The following MYT1L variants were observed in gnomAD, a reference collection of about 807,000 sequenced individuals.
MYT1L encodes the protein myelin transcription factor 1-like protein.
MYT1L carries 12 observed loss-of-function variants against 126.7 expected under a neutral mutation model. That is an observed-to-expected ratio of 0.09 (90% CI 0.06 to 0.15). The LOEUF (loss-of-function observed/expected upper bound fraction) is 0.15. Among genes scored for constraint, MYT1L ranks in the 10% least tolerant of loss-of-function variants. MYT1L has a pLI of 1.00. For missense variants in MYT1L, 979 were observed against 1,585.2 expected (o/e 0.62, Z 6.49); for synonymous variants, 541 against 604.2 (o/e 0.90, Z 1.53).
chr2:2,312,334 A>G (rs2095986235), intron 1 of MYT1L, among the ~76,000 whole-genome samples: 1 of 152,058 alleles, frequency 6.6e-6, no homozygotes, highest in Admixed American at 6.6e-5. Flanking sequence ...TCTATGGCCC[A>G]GGGTAGTGGC....
chr2:1,793,769 G>C lies in MYT1L; in HGVS notation c.3277-1305C>G, dbSNP rs533714355. 6.6e-6 allele frequency among the ~76,000 whole-genome samples: 1 copy of C among 152,148 alleles called. No individual in the cohort carries two copies. Among genetic ancestry groups the C allele is most frequent in the South Asian group, 2.1e-4 (1 of 4,824 alleles). On this transcript the variant is annotated intron_variant, in intron 23 of 24. Transcript: ENST00000647738. The surrounding 1 kb of genome is among the most constrained non-coding windows in gnomAD (Gnocchi z 4.6). Reference sequence around the variant, plus strand: ...ATCACACAGATTTATTTCCATGCACGTCCTGGGTGACCTTCTCATTCGTGT... The same window carrying C: ...ATCACACAGATTTATTTCCATGCACCTCCTGGGTGACCTTCTCATTCGTGT...
At chr2:2,261,674 A>G (rs1355086745) in intron 2 of MYT1L, among the ~76,000 whole-genome samples, 2 of 152,240 alleles carry the variant, frequency 1.3e-5, no homozygotes, top group Non-Finnish European at 1.5e-5. Flanking sequence ...ATACAAAAAC[A>G]ACGTCCACAA....
In MYT1L at chr2:2,150,551, A is replaced by C. The variant is rs576310900; in HGVS notation, c.-304+22321T>G. ...CTGTGCTGGTCTCTTTCCAACTAAGACCAATTGCTACCAGTTTTGACTAAA... is the reference window on the plus strand; with the variant it reads ...CTGTGCTGGTCTCTTTCCAACTAAGCCCAATTGCTACCAGTTTTGACTAAA... On this transcript the variant is annotated intron_variant, in intron 3 of 24. Transcript: ENST00000647738. Among the ~76,000 whole-genome samples the C allele has an allele frequency of 3.3e-5, 5 of 152,248 alleles. No homozygotes were observed. The South Asian group carries it at 1.0e-3, about 32-fold the overall frequency.
chr2:2,063,406 C>T (rs1269462797), intron 3 of MYT1L, among the ~76,000 whole-genome samples: 1 of 152,106 alleles, frequency 6.6e-6, no homozygotes, highest in East Asian at 1.9e-4. Flanking sequence ...CTCCTGGAAA[C>T]CCTTTTCACA....
Position 1,811,028 on chromosome 2 carries a change from C to T in MYT1L, c.3081-1861G>A, listed in dbSNP as rs559009600. The stretch of plus-strand genomic sequence containing the variant: ...CGTGATGGGATCCGTGCCCTTATAA[C>T]AGGGACCCAGACAGCTCCTTAACCC... On this transcript the variant is annotated intron_variant, in intron 21 of 24. Coordinates refer to ENST00000647738, the MANE Select transcript of MYT1L (RefSeq NM_001303052.2). This position sits in a 1 kb window ranked among gnomAD's most constrained non-coding sequence, Gnocchi z 4.4. The T allele has an allele frequency of 6.6e-6, 1 of 152,150 alleles. No homozygotes were observed. The highest frequency in any genetic ancestry group is 1.5e-5 in the Non-Finnish European group (1 of 68,038). The allele number at this position is 152,150 out of a possible 1,614,324, so 9.4% of individuals were successfully genotyped here. A position where few individuals can be genotyped will look rare whatever the true frequency, so the allele number is the denominator to read the frequency against.
chr2:1,980,492 T>A (rs1456554677), intron 5 of MYT1L, among the ~76,000 whole-genome samples: 2 of 152,026 alleles, frequency 1.3e-5, no homozygotes, highest in East Asian at 3.9e-4. Context: ...TCCTCCACAT[T>A]TATCTAAATT....
In MYT1L at chr2:2,028,543, C is replaced by T. The variant is rs77947745; in HGVS notation, c.-158+25435G>A. 2.2e-3 allele frequency among the ~76,000 whole-genome samples: 338 copies of T among 152,094 alleles called. 1 individual carries two copies. Among genetic ancestry groups the T allele is most frequent in the African/African-American group, 7.7e-3 (319 of 41,452 alleles). Reference sequence around the variant, plus strand: ...TGACAGATTTTGTCTGAGTTCTGCACTTGAAAGGAGAATTTTAGAGGAAAT... The same window carrying T: ...TGACAGATTTTGTCTGAGTTCTGCATTTGAAAGGAGAATTTTAGAGGAAAT... On this transcript the variant is annotated intron_variant, in intron 4 of 24. Coordinates refer to ENST00000647738, the MANE Select transcript of MYT1L (RefSeq NM_001303052.2).
intron 2 of MYT1L, among the ~76,000 whole-genome samples, chr2:2,203,954 A>C (rs896144586): frequency 3.3e-5 from 5 of 152,240 alleles, no homozygotes; most frequent in East Asian, 1.9e-4. Context: ...AGAAATAATG[A>C]CACATATCTA....
intron 4 of MYT1L, among the ~76,000 whole-genome samples, chr2:2,027,181 A>G (rs114282403): frequency 0.012 from 1,873 of 152,220 alleles, 41 homozygotes; most frequent in African/African-American, 0.042. Flanking sequence ...CTCATCTGGG[A>G]GATCCGAATC....
intron 2 of MYT1L, among the ~76,000 whole-genome samples, chr2:2,229,525 T>A (rs2149048189): frequency 6.6e-6 from 1 of 152,212 alleles, no homozygotes; most frequent in South Asian, 2.1e-4. Flanking sequence ...CACTGAAGCC[T>A]CAACCTCCTG....
At chr2:2,235,724 C>A (rs2094280555) in intron 2 of MYT1L, among the ~76,000 whole-genome samples, 1 of 152,160 alleles carries the variant, frequency 6.6e-6, no homozygotes, top group African/African-American at 2.4e-5. Context: ...CTGCCTTGGT[C>A]ATGTACTAAC....
In MYT1L at chr2:1,836,651, T is replaced by G. The variant is rs1187563986; in HGVS notation, c.3080+2498A>C. Reference sequence around the variant, plus strand: ...CAAAATTCCATCAGCCTGGCCCCAATATTTCATCAGCCTGTACCCCAAGAT... The same window carrying G: ...CAAAATTCCATCAGCCTGGCCCCAAGATTTCATCAGCCTGTACCCCAAGAT... On this transcript the variant is annotated intron_variant, in intron 21 of 24. Transcript: ENST00000647738. Among the ~76,000 whole-genome samples, 4 of 130,768 alleles carry G rather than the reference T, an allele frequency of 3.1e-5. No homozygotes were observed. In the Admixed American group the frequency reaches 3.2e-4, roughly 11 times the overall value. The allele number at this position is 130,768 out of a possible 152,430, so 85.8% of individuals were successfully genotyped here. A position where few individuals can be genotyped will look rare whatever the true frequency, so the allele number is the denominator to read the frequency against.
chr2:1,920,406 A>G (rs2053421596), intron 10 of MYT1L, among the ~76,000 whole-genome samples: 1 of 152,208 alleles, frequency 6.6e-6, no homozygotes, highest in Admixed American at 6.5e-5. Flanking sequence ...AGAATTTGCA[A>G]AAAGCTCAAT....
chr2:2,055,865 T>C (rs1028568643), intron 3 of MYT1L, among the ~76,000 whole-genome samples: 2 of 152,234 alleles, frequency 1.3e-5, no homozygotes, highest in Non-Finnish European at 2.9e-5. Context: ...TAGCATGTTC[T>C]ATAGATTCAT....
chr2:1,923,142 G>T lies in MYT1L; in HGVS notation c.627C>A (p.Gly209=). Residue 209 remains glycine, a synonymous_variant, in exon 10 of 25, where the codon GGC becomes GGA. Coordinates refer to ENST00000647738, the MANE Select transcript of MYT1L (RefSeq NM_001303052.2). ...GGTAGGCTGCATCCTCAGCGATTTT[G>T]CCGAGGTTTAACAATGACTTGGCCA... ...ELVAKSLLNL[G]KIAEDAAYRA... is the part of the protein sequence containing the mutation. 1 of 1,614,004 alleles carries T rather than the reference G, an allele frequency of 6.2e-7. No individual in the cohort carries two copies. Among genetic ancestry groups the T allele is most frequent in the Non-Finnish European group, 8.5e-7 (1 of 1,179,896 alleles).
intron 19 of MYT1L, chr2:1,842,917 T>C (rs1162740064): frequency 5.6e-6 from 1 of 177,636 alleles, no homozygotes; most frequent in Non-Finnish European, 1.2e-5. Flanking sequence ...TTCCAGGCGC[T>C]TCCGCTTCCA....
At chr2:1,950,301 T>G (rs1204500177) in intron 8 of MYT1L, among the ~76,000 whole-genome samples, 2 of 152,150 alleles carry the variant, frequency 1.3e-5, no homozygotes, top group African/African-American at 4.8e-5. Context: ...AGAATATCTA[T>G]TTTTCCCTAA....
At position 2,185,659 on chromosome 2, in the gene MYT1L, C is replaced by G. The variant is rs1324551474; in HGVS notation, c.-420-12671G>C. Among the ~76,000 whole-genome samples, 3 of 125,382 alleles carry G rather than the reference C, an allele frequency of 2.4e-5. 1 individual carries two copies. The highest frequency in any genetic ancestry group is 5.0e-5 in the Non-Finnish European group (3 of 60,362). The allele number at this position is 125,382 out of a possible 152,430, so 82.3% of individuals were successfully genotyped here. A position where few individuals can be genotyped will look rare whatever the true frequency, so the allele number is the denominator to read the frequency against. On this transcript the variant is annotated intron_variant, in intron 2 of 24. Transcript: ENST00000647738. ...CGGACGCAGCCGGGCCTCCCAGACG[C>G]CCGCGTTCCTTACGTGAGGGGGACG...
intron 2 of MYT1L, among the ~76,000 whole-genome samples, chr2:2,240,767 T>C (rs968941666): frequency 6.6e-6 from 1 of 152,142 alleles, no homozygotes; most frequent in East Asian, 1.9e-4. Context: ...GGTGTCACTC[T>C]CCCCGCCAGC....
Sources: allele counts gnomAD v4.1 joint callset (sites outside exome capture counted in the v4.1 genomes callset), GRCh38; gene constraint gnomAD v4.1.1; non-coding constraint Gnocchi (gnomAD v3.1); transcripts MANE v1.5; gene names NCBI Gene and HGNC (gene_info 2026-07-23, HGNC 2026-07-21).